RERE: variants seen among roughly 807,000 people sequenced by gnomAD.
RERE encodes the protein arginine-glutamic acid dipeptide repeats.
In RERE, 40 loss-of-function variants were observed where a neutral mutation model predicts 146.1. That is an observed-to-expected ratio of 0.27 (90% CI 0.21 to 0.36). The LOEUF (loss-of-function observed/expected upper bound fraction) is 0.36. RERE is among the 10% of genes least tolerant of loss of function. The pLI, the probability that RERE is intolerant of heterozygous loss-of-function variation, is 1.00. For synonymous variants in RERE, 1,003 were observed against 866.0 expected, an observed-to-expected ratio of 1.16 and a Z score of -2.78; for missense variants, 1,933 against 2,138.7, an observed-to-expected ratio of 0.90 and a Z score of 1.90.
At position 8,423,523 on chromosome 1, in the gene RERE, C is replaced by A; in HGVS notation, c.1204-716G>T. On this transcript the variant is annotated intron_variant, in intron 11 of 22. Coordinates refer to ENST00000400908, the MANE Select transcript of RERE (RefSeq NM_001042681.2). The surrounding 1 kb of genome is among the most constrained non-coding windows in gnomAD (Gnocchi z 5.4). ...CCCATGCCTCCCGAGCACCCCTCCC[C>A]GCCCCGGTGGGGGCAGCTCCTGGCT... The A allele has an allele frequency of 7.1e-6, 7 of 984,120 alleles. No homozygotes were observed. The highest frequency in any genetic ancestry group is 8.4e-6 in the Non-Finnish European group (7 of 828,732). The allele number at this position is 984,120 out of a possible 1,614,324, so 61.0% of individuals were successfully genotyped here.
chr1:8,617,951 A>G (rs1383196207), intron 3 of RERE, among the ~76,000 whole-genome samples: 1 of 152,144 alleles, frequency 6.6e-6, no homozygotes, highest in Non-Finnish European at 1.5e-5. Context: ...AAGGTAATTG[A>G]GTAGACTTCT....
At chr1:8,495,241 C>A in intron 9 of RERE, 79 bp from the exon 10 acceptor site, 5 of 1,036,336 alleles carry the variant, frequency 4.8e-6, no homozygotes, top group South Asian at 3.8e-5. Context: ...TTTCAGAGGA[C>A]ATTTCCAGCC....
At chr1:8,377,983 TAAC>T (rs146978912) in intron 12 of RERE, among the ~76,000 whole-genome samples, 118 of 152,340 alleles carry the variant, frequency 7.7e-4, no homozygotes, top group African/African-American at 2.7e-3. Flanking sequence ...ACAGCTACTC[TAAC>T]AACACTTCTC....
chr1:8,664,771 A>T (rs1223193519), intron 1 of RERE, among the ~76,000 whole-genome samples: 1 of 152,038 alleles, frequency 6.6e-6, no homozygotes, highest in Non-Finnish European at 1.5e-5. Context: ...CAACATCACA[A>T]ATCTTAGTTC....
At chr1:8,744,955 C>T (rs577959251) in intron 1 of RERE, among the ~76,000 whole-genome samples, 30 of 152,264 alleles carry the variant, frequency 2.0e-4, no homozygotes, top group African/African-American at 6.7e-4. Flanking sequence ...GCTGTAGATG[C>T]AGTTTATCCT....
At chr1:8,607,891 A>C (rs1646741081) in intron 4 of RERE, among the ~76,000 whole-genome samples, 1 of 151,758 alleles carries the variant, frequency 6.6e-6, no homozygotes, top group African/African-American at 2.4e-5. Flanking sequence ...ACGCCTGGCT[A>C]ATTTTTGTAT....
At chr1:8,401,919 G>T (rs1432279490) in intron 12 of RERE, among the ~76,000 whole-genome samples, 1 of 152,098 alleles carries the variant, frequency 6.6e-6, no homozygotes, top group African/African-American at 2.4e-5. Flanking sequence ...AGGCTGGAGT[G>T]CAGTGGCATG....
intron 1 of RERE, among the ~76,000 whole-genome samples, chr1:8,693,046 A>G (rs927756754): frequency 1.8e-4 from 28 of 152,332 alleles, no homozygotes; most frequent in Non-Finnish European, 2.9e-4. Context: ...TATGAAAAAA[A>G]AAATTTAATA....
intron 2 of RERE, among the ~76,000 whole-genome samples, chr1:8,634,804 C>A (rs959722497): frequency 6.6e-6 from 1 of 152,168 alleles, no homozygotes. Flanking sequence ...GGCGCGATCT[C>A]GGTTCACTGC....
chr1:8,693,358 G>A (rs968050541), intron 1 of RERE, among the ~76,000 whole-genome samples: 1 of 152,168 alleles, frequency 6.6e-6, no homozygotes, highest in Non-Finnish European at 1.5e-5. Context: ...TCCTTCGGTA[G>A]GTAAGCAGAT....
intron 11 of RERE, among the ~76,000 whole-genome samples, chr1:8,453,868 G>A (rs1352903857): frequency 6.6e-6 from 1 of 152,088 alleles, no homozygotes; most frequent in African/African-American, 2.4e-5. Flanking sequence ...GGATAACCAA[G>A]CTTACTTAGC....
chr1:8,483,752 A>G (rs140616199), intron 10 of RERE, among the ~76,000 whole-genome samples: 73 of 152,332 alleles, frequency 4.8e-4, no homozygotes, highest in African/African-American at 1.7e-3. Flanking sequence ...AGCCACTGGG[A>G]GCCTTGAATT....
rs1017132792 is a variant in RERE at position 8,698,848 on chromosome 1, T to A, written c.-144-42407A>T. Among the ~76,000 whole-genome samples, 19 of 152,128 alleles carry A rather than the reference T, an allele frequency of 1.2e-4. 1 individual carries two copies. The highest frequency in any genetic ancestry group is 7.4e-5 in the Non-Finnish European group (5 of 68,016). On this transcript the variant is annotated intron_variant, in intron 1 of 22. Transcript: ENST00000400908. ...ACTTTACTTTTATAATGATCTCCCA[T>A]ACTTACCCATTATATTCTTATTATC...
At chr1:8,433,686 G>A (rs902659854) in intron 11 of RERE, among the ~76,000 whole-genome samples, 11 of 150,000 alleles carry the variant, frequency 7.3e-5, no homozygotes, top group Admixed American at 2.7e-4. Context: ...TCAGCCTCCC[G>A]AGTAGCTGGG....
At chr1:8,454,711 G>A (rs866862451) in intron 11 of RERE, among the ~76,000 whole-genome samples, 42 of 152,094 alleles carry the variant, frequency 2.8e-4, no homozygotes, top group African/African-American at 9.2e-4. Context: ...AGGCTGGGGC[G>A]GGAGGATCGC....
chr1:8,619,517 A>G (rs988619332), intron 3 of RERE, among the ~76,000 whole-genome samples: 25 of 152,244 alleles, frequency 1.6e-4, no homozygotes, highest in African/African-American at 6.0e-4. Context: ...TACTGTATGA[A>G]TGACAGCAAT....
At chr1:8,678,417 G>C (rs967589991) in intron 1 of RERE, among the ~76,000 whole-genome samples, 2 of 151,898 alleles carry the variant, frequency 1.3e-5, no homozygotes, top group Non-Finnish European at 2.9e-5. Context: ...AGGCCAAGGC[G>C]GGCAATCCCG....
chr1:8,526,035 C>T, intron 7 of RERE: 1 of 1,248,596 alleles, frequency 8.0e-7, no homozygotes, highest in Non-Finnish European at 1.0e-6. Flanking sequence ...ACGACGCAAT[C>T]AATCTCAACC....
At chr1:8,496,418 A>G (rs1281675614) in intron 9 of RERE, among the ~76,000 whole-genome samples, 1 of 151,922 alleles carries the variant, frequency 6.6e-6, no homozygotes, top group East Asian at 1.9e-4. Flanking sequence ...TTAAGGCTGT[A>G]GTGAGCTATA....
Sources: allele counts gnomAD v4.1 joint callset (sites outside exome capture counted in the v4.1 genomes callset), GRCh38; gene constraint gnomAD v4.1.1; non-coding constraint Gnocchi (gnomAD v3.1); transcripts MANE v1.5; gene names NCBI Gene and HGNC (gene_info 2026-07-23, HGNC 2026-07-21).